The following LIPN variants were observed in gnomAD, a reference collection of about 807,000 sequenced individuals.
The protein encoded by LIPN is lipase member N.
LIPN carries 32 observed loss-of-function variants against 43.7 expected under a neutral mutation model. The ratio of observed to expected loss-of-function variants is 0.73; its 90% CI spans 0.55 to 0.98. LIPN has a LOEUF of 0.98. LIPN is among the 50% of genes least tolerant of loss of function. The probability of loss-of-function intolerance (pLI) is 0.00; values close to 1 mark genes in which losing one functional copy is unlikely to be tolerated. For missense variants in LIPN, 505 were observed against 483.8 expected (o/e 1.04, Z -0.41); for synonymous variants, 156 against 157.6 (o/e 0.99, Z 0.08).
At position 88,770,942 on chromosome 10, in the gene LIPN, G is replaced by A. The variant is rs1401573818; in HGVS notation, c.770G>A (p.Ser257Asn). Reference protein sequence around the residue: ...CNNKILWLICSEFMSLWAGSN... With the variant: ...CNNKILWLICNEFMSLWAGSN... ...AATAAGATACTCTGGTTGATATGTA[G>A]CGAATTTATGTCCTTATGGGCTGGA... is the stretch of plus-strand genomic sequence containing the variant. Residue 257 changes from serine to asparagine, a missense_variant, in exon 7 of 10, where the codon AGC becomes AAC. Transcript: ENST00000404459. 6.4e-7 allele frequency: 1 copy of A among 1,566,306 alleles called. No individual in the cohort carries two copies. The highest frequency in any genetic ancestry group is 8.7e-7 in the Non-Finnish European group (1 of 1,153,374).
rs450011 is a variant in LIPN, at chr10:88,768,742, C to T, written c.536-50C>T. 0.2 allele frequency: 310,639 copies of T among 1,553,806 alleles called. 31,666 individuals are homozygous for T. The highest frequency in any genetic ancestry group is 0.25 in the Admixed American group (13,728 of 55,512). Reference sequence around the variant, plus strand: ...CAGAGCCCCAATTTTGTTAGAAACACTGCGTAAGTATTTATTTTTACAAGA... The same window carrying T: ...CAGAGCCCCAATTTTGTTAGAAACATTGCGTAAGTATTTATTTTTACAAGA... On this transcript the variant is annotated intron_variant, in intron 5 of 9. Transcript: ENST00000404459.
upstream of LIPN, among the ~76,000 whole-genome samples, chr10:88,759,331 G>A (rs973632478): frequency 6.6e-6 from 1 of 152,144 alleles, no homozygotes; most frequent in African/African-American, 2.4e-5. Context: ...AAGAGATTCA[G>A]TTACGGCTTA....
Position 88,771,126 on chromosome 10 carries a change from T to C in LIPN, c.819+135T>C, listed in dbSNP as rs916876536. On this transcript the variant is annotated intron_variant, in intron 7 of 9. Coordinates refer to ENST00000404459, the MANE Select transcript of LIPN (RefSeq NM_001102469.2). Reference sequence around the variant, plus strand: ...CTTAAAGACAGATTTTTTTTTGCTTTTAAAAATGTTTATGGGTATATAATA... The same window carrying C: ...CTTAAAGACAGATTTTTTTTTGCTTCTAAAAATGTTTATGGGTATATAATA... 3 of 668,274 alleles carry C rather than the reference T, an allele frequency of 4.5e-6. No individual in the cohort carries two copies. In the East Asian group the frequency reaches 8.5e-5, roughly 19 times the overall value. 41.4% of individuals were successfully genotyped at this position (668,274 alleles called of 1,614,324 possible). A position where few individuals can be genotyped will look rare whatever the true frequency, so the allele number is the denominator to read the frequency against.
chr10:88,775,703 AATCTGT>A (rs1843286537), intron 9 of LIPN, among the ~76,000 whole-genome samples: 1 of 152,078 alleles, frequency 6.6e-6, no homozygotes. Flanking sequence ...ATGACATAAA[AATCTGT>A]AGCCTTGTTT....
intron 1 of LIPN, among the ~76,000 whole-genome samples, chr10:88,760,466 G>A (rs990174971): frequency 6.6e-6 from 1 of 152,100 alleles, no homozygotes; most frequent in African/African-American, 2.4e-5. Flanking sequence ...GATAGCTAAT[G>A]TATGCAAAGC....
intron 1 of LIPN, 132 bp from the exon 2 acceptor site, chr10:88,761,265 CT>C: frequency 1.6e-6 from 1 of 634,982 alleles, no homozygotes; most frequent in Non-Finnish European, 2.8e-6. Context: ...GTATTTATTC[CT>C]TTTTATACAT....
At position 88,764,538 on chromosome 10, in the gene LIPN, A is replaced by G; in HGVS notation, c.355A>G (p.Ser119Gly). The change falls in exon 4 of 10, where the codon AGT becomes GGT. Residue 119 changes from serine to glycine, a missense_variant. By Grantham distance (56) the Ser-to-Gly change is moderately conservative (BLOSUM62 0). Coordinates refer to ENST00000404459, the MANE Select transcript of LIPN (RefSeq NM_001102469.2). The part of the protein sequence containing the change: ...DAGYDVWMGN[S>G]RGNTWSRRHK... ...AGGTTATGATGTATGGATGGGAAAC[A>G]GTCGGGGAAACACTTGGTCAAGAAG... is the stretch of plus-strand genomic sequence containing the variant. 6.2e-7 allele frequency: 1 copy of G among 1,612,164 alleles called. No individual in the cohort carries two copies.
Position 88,778,172 on chromosome 10 carries a change from T to C in LIPN, c.1127T>C (p.Phe376Ser), listed in dbSNP as rs760088203. ...KLLPDWNHFDFVWGLDAPQRM... is the reference protein window; with the variant it reads ...KLLPDWNHFDSVWGLDAPQRM... ...TTGCCAGATTGGAACCACTTTGATT[T>C]TGTCTGGGGCCTCGATGCCCCTCAA... Residue 376 changes from phenylalanine (F) to serine (S), a missense_variant, in exon 10 of 10, where the codon TTT becomes TCT. Physicochemically the swap from Phe to Ser is radical, Grantham distance 155. Transcript: ENST00000404459. 1 of 1,613,472 alleles carries C rather than the reference T, an allele frequency of 6.2e-7. No individual in the cohort carries two copies. Among genetic ancestry groups the C allele is most frequent in the Non-Finnish European group, 8.5e-7 (1 of 1,179,662 alleles).
chr10:88,760,892 G>A (rs113157443), intron 1 of LIPN, among the ~76,000 whole-genome samples: 1 of 152,096 alleles, frequency 6.6e-6, no homozygotes, highest in Non-Finnish European at 1.5e-5. Flanking sequence ...ATTGAAATAC[G>A]CAAAATTTGC....
intron 5 of LIPN, 143 bp from the exon 6 acceptor site, chr10:88,768,649 A>C: frequency 4.9e-6 from 3 of 611,954 alleles, no homozygotes; most frequent in Non-Finnish European, 8.4e-6. Context: ...GATTATCTTT[A>C]TAGAATAACT....
At chr10:88,771,988 C>T (rs1053938421) in intron 7 of LIPN, among the ~76,000 whole-genome samples, 3 of 151,688 alleles carry the variant, frequency 2.0e-5, no homozygotes, top group Non-Finnish European at 4.4e-5. Flanking sequence ...AGTTTTAGTT[C>T]GCATTTCTCT....
At position 88,765,026 on chromosome 10, in the gene LIPN, G is replaced by A. The variant is rs531271666; in HGVS notation, c.425+418G>A. 4.6e-5 allele frequency among the ~76,000 whole-genome samples: 7 copies of A among 152,054 alleles called. No individual in the cohort carries two copies. In the South Asian group the frequency reaches 1.4e-3, roughly 31 times the overall value. On this transcript the variant is annotated intron_variant, in intron 4 of 9. Transcript: ENST00000404459. Reference sequence around the variant, plus strand: ...GTTCATTTTAGTGATAATTTTACAAGTCATTGCTCCTGGATGGCCAATCAA... The same window carrying A: ...GTTCATTTTAGTGATAATTTTACAAATCATTGCTCCTGGATGGCCAATCAA...
chr10:88,771,696 G>C (rs189699761), intron 7 of LIPN, among the ~76,000 whole-genome samples: 1 of 150,846 alleles, frequency 6.6e-6, no homozygotes, highest in Admixed American at 6.6e-5. Flanking sequence ...TGTGAATAGT[G>C]CTGTACTAAA....
At chr10:88,777,186 C>G (rs1316043268) in intron 9 of LIPN, among the ~76,000 whole-genome samples, 1 of 152,032 alleles carries the variant, frequency 6.6e-6, no homozygotes, top group Non-Finnish European at 1.5e-5. Context: ...CCACAGTCTC[C>G]TTGAAACTCA....
At chr10:88,758,815 T>C (rs1470461372), upstream of LIPN, among the ~76,000 whole-genome samples, 1 of 152,044 alleles carries the variant, frequency 6.6e-6, no homozygotes, top group Admixed American at 6.6e-5. Flanking sequence ...TCTTTTAAGA[T>C]TTGAGCTAGC....
rs1843160939 is a variant in LIPN, at chr10:88,769,039, G to A, written c.672+111G>A. 24 of 1,065,294 alleles carry A rather than the reference G, an allele frequency of 2.3e-5. 2 individuals carry two copies. In the South Asian group the frequency reaches 3.8e-4, roughly 17 times the overall value. The allele number at this position is 1,065,294 out of a possible 1,614,324, so 66.0% of individuals were successfully genotyped here. A position where few individuals can be genotyped will look rare whatever the true frequency, so the allele number is the denominator to read the frequency against. On this transcript the variant is annotated intron_variant, in intron 6 of 9. Coordinates refer to ENST00000404459, the MANE Select transcript of LIPN (RefSeq NM_001102469.2). Reference sequence around the variant, plus strand: ...GTAGGAAATTTAGATAAAATCTATAGAACTTAGACTCTGTGGGTATGTGCT... The same window carrying A: ...GTAGGAAATTTAGATAAAATCTATAAAACTTAGACTCTGTGGGTATGTGCT...
chr10:88,768,248 C>T (rs1253929142), intron 5 of LIPN, among the ~76,000 whole-genome samples: 1 of 151,820 alleles, frequency 6.6e-6, no homozygotes, highest in African/African-American at 2.4e-5. Flanking sequence ...CTAGGGAAAG[C>T]CCCTTTCTTT....
intron 7 of LIPN, 38 bp from the exon 8 acceptor site, chr10:88,774,435 T>C: frequency 6.8e-7 from 1 of 1,466,464 alleles, no homozygotes; most frequent in Non-Finnish European, 9.5e-7. Context: ...CAAAATTTTG[T>C]TGGGCAATTG....
chr10:88,759,214 T>C (rs1564577199), upstream of LIPN, among the ~76,000 whole-genome samples: 2 of 152,152 alleles, frequency 1.3e-5, no homozygotes, highest in African/African-American at 4.8e-5. Flanking sequence ...AAATATCATT[T>C]TTTTTGAAAG....
Sources: gnomAD v4.1 joint callset for allele counts (sites outside exome capture counted in the v4.1 genomes callset) on GRCh38, gnomAD v4.1.1 for gene constraint, MANE v1.5 for transcripts, NCBI Gene and HGNC (gene_info 2026-07-23, HGNC 2026-07-21) for gene names.